Variants in CSMD3 observed in about 807,000 individuals in gnomAD.
CSMD3 encodes CUB and sushi domain-containing protein 3.
CSMD3 carries 177 observed loss-of-function variants against 435.2 expected under a neutral mutation model. The ratio of observed to expected loss-of-function variants is 0.41; its 90% CI spans 0.36 to 0.46. CSMD3 has a LOEUF of 0.46. Among genes scored for constraint, CSMD3 ranks in the 20% least tolerant of loss-of-function variants. The probability of loss-of-function intolerance (pLI) is 0.34; values close to 1 mark genes in which losing one functional copy is unlikely to be tolerated. For synonymous variants in CSMD3, 1,656 were observed against 1,520.5 expected (o/e 1.09, Z -2.07); for missense variants, 4,265 against 4,504.6 (o/e 0.95, Z 1.52).
rs144619287 is a variant in CSMD3, at chr8:113,056,570, G to A, written c.918-37391C>T. On this transcript the variant is annotated intron_variant, in intron 5 of 70. Transcript: ENST00000297405. Reference sequence around the variant, plus strand: ...TTCTTTAATATCACATGGAATGGCAGCATTACACACCAATTGGTTGAACAT... The same window carrying A: ...TTCTTTAATATCACATGGAATGGCAACATTACACACCAATTGGTTGAACAT... Among the ~76,000 whole-genome samples, 902 of 152,274 alleles carry A rather than the reference G, an allele frequency of 5.9e-3. 4 individuals carry two copies. The highest frequency in any genetic ancestry group is 0.019 in the African/African-American group (802 of 41,560).
chr8:112,231,780 T>C, intron 68 of CSMD3, 148 bp from the exon 69 acceptor site: 2 of 640,396 alleles, frequency 3.1e-6, no homozygotes, highest in South Asian at 1.8e-5. Context: ...ATATAGCACA[T>C]TGTGAAAATT....
At chr8:112,533,902 T>C (rs1329186833) in intron 27 of CSMD3, among the ~76,000 whole-genome samples, 1 of 152,010 alleles carries the variant, frequency 6.6e-6, no homozygotes, top group African/African-American at 2.4e-5. Flanking sequence ...TTCCACAATA[T>C]TTGAATCATC....
At chr8:113,072,709 A>G (rs1467837919) in intron 5 of CSMD3, among the ~76,000 whole-genome samples, 1 of 151,778 alleles carries the variant, frequency 6.6e-6, no homozygotes, top group Non-Finnish European at 1.5e-5. Flanking sequence ...CATTTCATTT[A>G]AAATCAGGAA....
chr8:113,210,003 G>GGT (rs3048831), intron 3 of CSMD3, among the ~76,000 whole-genome samples: 17,645 of 138,812 alleles, frequency 0.13, 1,091 homozygotes, highest in Non-Finnish European at 0.16. Context: ...TCTCCTAAAA[G>GGT]GTGTGTGTGT....
chr8:112,811,165 AG>A (rs2079215028), intron 12 of CSMD3, among the ~76,000 whole-genome samples: 1 of 35,750 alleles, frequency 2.8e-5, no homozygotes, highest in Admixed American at 4.4e-4. Flanking sequence ...CAAACTGCCC[AG>A]AGAAGAGTAG....
At chr8:112,572,314 TTTAG>T (rs1174040638) in intron 24 of CSMD3, among the ~76,000 whole-genome samples, 1 of 152,108 alleles carries the variant, frequency 6.6e-6, no homozygotes, top group African/African-American at 2.4e-5. Context: ...TTAATTTATG[TTTAG>T]TTAATGTTAG....
intron 13 of CSMD3, among the ~76,000 whole-genome samples, chr8:112,765,986 C>A (rs141638814): frequency 1.3e-5 from 2 of 151,670 alleles, no homozygotes; most frequent in African/African-American, 4.8e-5. Context: ...TTCTTTTATG[C>A]CTCAGAGCTA....
intron 4 of CSMD3, among the ~76,000 whole-genome samples, chr8:113,167,414 C>T (rs1481704030): frequency 6.6e-6 from 1 of 152,100 alleles, no homozygotes; most frequent in Non-Finnish European, 1.5e-5. Context: ...AGAAATAACA[C>T]ACTCAGGTAA....
chr8:113,367,150 T>C (rs2133030739), intron 1 of CSMD3, among the ~76,000 whole-genome samples: 1 of 152,000 alleles, frequency 6.6e-6, no homozygotes, highest in South Asian at 2.1e-4. Flanking sequence ...TGCTTTTGGA[T>C]AATACCTACT....
intron 65 of CSMD3, among the ~76,000 whole-genome samples, chr8:112,242,306 G>A (rs1174348323): frequency 6.6e-6 from 1 of 152,128 alleles, no homozygotes; most frequent in Non-Finnish European, 1.5e-5. Flanking sequence ...CATGTAGGAT[G>A]TAGAAGTGAC....
intron 11 of CSMD3, among the ~76,000 whole-genome samples, chr8:112,844,847 G>A (rs905479255): frequency 1.1e-4 from 17 of 151,790 alleles, no homozygotes; most frequent in African/African-American, 4.1e-4. Context: ...CCCCTATGCC[G>A]GCCCCAGAAA....
At chr8:113,150,598 G>C (rs1381477917) in intron 4 of CSMD3, among the ~76,000 whole-genome samples, 1 of 151,938 alleles carries the variant, frequency 6.6e-6, no homozygotes, top group Non-Finnish European at 1.5e-5. Flanking sequence ...GACACTATGA[G>C]ATAATTTTTG....
At chr8:112,827,029 T>C (rs1446121943) in intron 12 of CSMD3, among the ~76,000 whole-genome samples, 1 of 151,412 alleles carries the variant, frequency 6.6e-6, no homozygotes, top group South Asian at 2.1e-4. Flanking sequence ...ACACACATTT[T>C]TTTTAACATT....
At chr8:112,304,957 T>C (rs368392630) in intron 51 of CSMD3, 42 bp from the exon 52 acceptor site, 198 of 1,419,656 alleles carry the variant, frequency 1.4e-4, no homozygotes, top group Middle Eastern at 3.5e-4. Flanking sequence ...CAAATCACTA[T>C]ATCTCAACGT....
intron 1 of CSMD3, among the ~76,000 whole-genome samples, chr8:113,366,215 C>G (rs776074213): frequency 1.5e-4 from 23 of 151,958 alleles, no homozygotes; most frequent in Non-Finnish European, 2.4e-4. Flanking sequence ...TTGCAGGAGA[C>G]AGAATCTCTT....
Position 113,038,693 on chromosome 8 carries a change from G to A in CSMD3, c.918-19514C>T, listed in dbSNP as rs376390723. 2.6e-4 allele frequency among the ~76,000 whole-genome samples: 39 copies of A among 152,130 alleles called. 2 individuals are homozygous for A. The South Asian group carries it at 7.7e-3, about 30-fold the overall frequency. ...CCTGTATAGTTTCACTGTCATGAAA[G>A]GAAAGGAAAGGAATTCCTTACTGGG... is the stretch of plus-strand genomic sequence containing the variant. On this transcript the variant is annotated intron_variant, in intron 5 of 70. Coordinates refer to ENST00000297405, the MANE Select transcript of CSMD3 (RefSeq NM_198123.2).
intron 65 of CSMD3, among the ~76,000 whole-genome samples, chr8:112,243,498 A>G (rs1814375207): frequency 1.3e-5 from 2 of 152,078 alleles, no homozygotes; most frequent in South Asian, 4.1e-4. Flanking sequence ...CAATCGGTGG[A>G]CACTTCACCC....
chr8:112,828,139 G>A (rs1337753148), intron 12 of CSMD3, among the ~76,000 whole-genome samples: 1 of 152,120 alleles, frequency 6.6e-6, no homozygotes, highest in Non-Finnish European at 1.5e-5. Context: ...ATAAGATTTA[G>A]TAGAAACTAT....
intron 5 of CSMD3, among the ~76,000 whole-genome samples, chr8:113,026,266 G>A (rs938974626): frequency 6.6e-6 from 1 of 152,180 alleles, no homozygotes; most frequent in Non-Finnish European, 1.5e-5. Context: ...TCCCAGCAGG[G>A]GGAACAGAGT....
Sources: allele counts gnomAD v4.1 joint callset (sites outside exome capture counted in the v4.1 genomes callset), GRCh38; gene constraint gnomAD v4.1.1; transcripts MANE v1.5; gene names NCBI Gene and HGNC (gene_info 2026-07-23, HGNC 2026-07-21).